The following OCA2 variants were observed in gnomAD, a reference collection of about 807,000 sequenced individuals.
OCA2 encodes the protein P protein.
In OCA2, 77 loss-of-function variants were observed where a neutral mutation model predicts 100.2. The observed-to-expected ratio is 0.77, with a 90% CI of 0.64 to 0.93. OCA2 has a LOEUF of 0.93. OCA2 is among the 40% of genes least tolerant of loss of function. The pLI, the probability that OCA2 is intolerant of heterozygous loss-of-function variation, is 0.00. For missense variants in OCA2, 1,062 were observed against 1,089.1 expected (o/e 0.98, Z 0.35); for synonymous variants, 432 against 439.2 (o/e 0.98, Z 0.21).
chr15:28,007,529 G>T (rs1313375698), intron 9 of OCA2, among the ~76,000 whole-genome samples: 2 of 152,286 alleles, frequency 1.3e-5, no homozygotes, highest in East Asian at 3.9e-4. Context: ...AGGAGTTCGA[G>T]ACCAGCCTGG....
At chr15:27,764,094 G>C (rs1465212420) in intron 23 of OCA2, among the ~76,000 whole-genome samples, 1 of 151,606 alleles carries the variant, frequency 6.6e-6, no homozygotes, top group African/African-American at 2.4e-5. Context: ...CTGAGAAACA[G>C]AAGGGACAGG....
Position 27,871,142 on chromosome 15 carries a change from T to A in OCA2, c.2244+12A>T. ...TAAAGTTGAGCCGTCGACATGGACA[T>A]GTGCAACTCACCATGGTAGCAGTGA... On this transcript the variant is annotated intron_variant, in intron 21 of 23. Transcript: ENST00000354638. The A allele has an allele frequency of 6.3e-7, 1 of 1,599,696 alleles. No homozygotes were observed. The highest frequency in any genetic ancestry group is 1.1e-5 in the South Asian group (1 of 90,804).
At chr15:28,027,500 C>T (rs558977890) in intron 4 of OCA2, among the ~76,000 whole-genome samples, 1 of 152,326 alleles carries the variant, frequency 6.6e-6, no homozygotes, top group Admixed American at 6.5e-5. Flanking sequence ...CTGGGCCAGA[C>T]CCACTCCTTC....
intron 19 of OCA2, among the ~76,000 whole-genome samples, chr15:27,900,472 C>T (rs993605463): frequency 1.3e-5 from 2 of 152,178 alleles, no homozygotes; most frequent in Non-Finnish European, 2.9e-5. Context: ...ACTGCCTATT[C>T]TGCACCTAAC....
At chr15:27,748,482 C>A in the OCA2 span, among the ~76,000 whole-genome samples, 1 of 152,178 alleles carries the variant, frequency 6.6e-6, no homozygotes. Flanking sequence ...GGCATCAGCT[C>A]CCAAAACTAG....
At chr15:27,725,868 G>A in the OCA2 span, among the ~76,000 whole-genome samples, 2 of 152,248 alleles carry the variant, frequency 1.3e-5, no homozygotes, top group East Asian at 3.9e-4. Flanking sequence ...AAAAGTTCAT[G>A]CAGCCTTCTG....
intron 2 of OCA2, among the ~76,000 whole-genome samples, chr15:28,074,499 C>T (rs2044365136): frequency 6.6e-6 from 1 of 152,192 alleles, no homozygotes; most frequent in Admixed American, 6.5e-5. Context: ...ATGGTGAAAC[C>T]CCGTCTCTAC....
At chr15:27,826,186 T>C (rs1400553627) in intron 23 of OCA2, among the ~76,000 whole-genome samples, 1 of 152,202 alleles carries the variant, frequency 6.6e-6, no homozygotes, top group African/African-American at 2.4e-5. Context: ...CAGTGGAAAC[T>C]TCCCCAGGCG....
At chr15:27,800,649 A>C (rs1465262701) in intron 23 of OCA2, among the ~76,000 whole-genome samples, 1 of 152,146 alleles carries the variant, frequency 6.6e-6, no homozygotes, top group African/African-American at 2.4e-5. Flanking sequence ...TAAAGAGATA[A>C]CAGGAATAGC....
the OCA2 span, among the ~76,000 whole-genome samples, chr15:27,741,267 C>T: frequency 6.6e-6 from 1 of 152,182 alleles, no homozygotes; most frequent in Non-Finnish European, 1.5e-5. Context: ...TAAAACCAAA[C>T]CCAGACTTAG....
chr15:27,917,204 T>C (rs1282288546), intron 19 of OCA2, among the ~76,000 whole-genome samples: 1 of 152,092 alleles, frequency 6.6e-6, no homozygotes, highest in Non-Finnish European at 1.5e-5. Flanking sequence ...AAAATGATAA[T>C]AATAATAATA....
rs185028923 is a variant in OCA2 at position 27,886,425 on chromosome 15, A to G, written c.2080-14503T>C. On this transcript the variant is annotated intron_variant, in intron 19 of 23. Transcript: ENST00000354638. ...GTTCCTTAATCTCTAGCAGAACCCT[A>G]AAATGCATGGCAACTCTTGTTTTAT... is the stretch of plus-strand genomic sequence containing the variant. Among the ~76,000 whole-genome samples, 10 of 152,346 alleles carry G rather than the reference A, an allele frequency of 6.6e-5. No individual in the cohort carries two copies. In the East Asian group the frequency reaches 1.3e-3, roughly 21 times the overall value.
chr15:27,850,779 A>C (rs915702241), intron 22 of OCA2, among the ~76,000 whole-genome samples: 11 of 152,164 alleles, frequency 7.2e-5, no homozygotes, highest in Admixed American at 3.3e-4. Context: ...GATTCTTCAC[A>C]ATCCCCCTGT....
intron 18 of OCA2, among the ~76,000 whole-genome samples, chr15:27,936,194 AG>A (rs972201711): frequency 2.0e-5 from 3 of 152,228 alleles, no homozygotes; most frequent in Non-Finnish European, 4.4e-5. Flanking sequence ...CACTTACCCA[AG>A]CACTCAACCT....
chr15:27,848,970 C>T (rs1397323179), intron 22 of OCA2, among the ~76,000 whole-genome samples: 1 of 151,734 alleles, frequency 6.6e-6, no homozygotes, highest in Non-Finnish European at 1.5e-5. Flanking sequence ...TGAACACAGC[C>T]ACATGCTGCC....
intron 23 of OCA2, among the ~76,000 whole-genome samples, chr15:27,843,480 T>C (rs2035418059): frequency 6.6e-6 from 1 of 152,136 alleles, no homozygotes; most frequent in South Asian, 2.1e-4. Context: ...TTAAGGTAAT[T>C]CTTGTTTAAC....
At chr15:28,000,979 G>A (rs920223192) in intron 9 of OCA2, among the ~76,000 whole-genome samples, 1 of 152,172 alleles carries the variant, frequency 6.6e-6, no homozygotes, top group African/African-American at 2.4e-5. Flanking sequence ...GGTAGGATGT[G>A]AAGAAAAGGG....
intron 2 of OCA2, among the ~76,000 whole-genome samples, chr15:28,074,003 G>GACACACACACAC (rs10534274): frequency 6.8e-6 from 1 of 146,238 alleles, no homozygotes; most frequent in Non-Finnish European, 1.5e-5. Flanking sequence ...ATGACAGACA[G>GACACACACACAC]ACACACACAC....
At chr15:27,969,675 T>G (rs948756048) in intron 14 of OCA2, among the ~76,000 whole-genome samples, 1 of 152,010 alleles carries the variant, frequency 6.6e-6, no homozygotes, top group Non-Finnish European at 1.5e-5. Flanking sequence ...TGGCCAAATA[T>G]TAGGCACGTA....
Sources: gnomAD v4.1 joint callset for allele counts (sites outside exome capture counted in the v4.1 genomes callset) on GRCh38, gnomAD v4.1.1 for gene constraint, MANE v1.5 for transcripts, NCBI Gene and HGNC (gene_info 2026-07-23, HGNC 2026-07-21) for gene names.